GALNTL6: variants seen among roughly 807,000 people sequenced by gnomAD.
GALNTL6 encodes polypeptide N-acetylgalactosaminyltransferase like 6, also known as polypeptide N-acetylgalactosaminyltransferase-like 6.
Under a neutral mutation model 73.7 loss-of-function variants are expected in GALNTL6, and 46 were observed. That is an observed-to-expected ratio of 0.62 (90% CI 0.49 to 0.80). The LOEUF (loss-of-function observed/expected upper bound fraction) is 0.80, where lower values mean the gene tolerates loss of function less well. GALNTL6 is among the 30% of genes least tolerant of loss of function. The pLI, the probability that GALNTL6 is intolerant of heterozygous loss-of-function variation, is 0.00. For missense variants in GALNTL6, 604 were observed against 755.0 expected, an observed-to-expected ratio of 0.80 and a Z score of 2.34; for synonymous variants, 259 against 263.7, an observed-to-expected ratio of 0.98 and a Z score of 0.17.
At position 172,069,713 on chromosome 4, in the gene GALNTL6, C is replaced by G. The variant is rs570091880; in HGVS notation, c.139-159943C>G. 1.5e-4 allele frequency among the ~76,000 whole-genome samples: 15 copies of G among 99,446 alleles called. 4 individuals are homozygous for G. The highest frequency in any genetic ancestry group is 3.0e-4 in the Non-Finnish European group (14 of 46,364). The allele number at this position is 99,446 out of a possible 152,430, so 65.2% of individuals were successfully genotyped here. On this transcript the variant is annotated intron_variant, in intron 2 of 12. Coordinates refer to ENST00000506823, the MANE Select transcript of GALNTL6 (RefSeq NM_001034845.3). Reference sequence around the variant, plus strand: ...AGTAAGCCATAAATGGTGCTAGACACCTCATCCACAAAATTCCACTTAGAA... The same window carrying G: ...AGTAAGCCATAAATGGTGCTAGACAGCTCATCCACAAAATTCCACTTAGAA...
At chr4:172,134,382 T>TAA (rs5864118) in intron 2 of GALNTL6, among the ~76,000 whole-genome samples, 24 of 142,284 alleles carry the variant, frequency 1.7e-4, no homozygotes, top group Admixed American at 3.5e-4. Flanking sequence ...GAGACTCCTC[T>TAA]AAAAAAAAAA....
chr4:172,108,230 C>T (rs887914531), intron 2 of GALNTL6, among the ~76,000 whole-genome samples: 1 of 151,922 alleles, frequency 6.6e-6, no homozygotes, highest in Non-Finnish European at 1.5e-5. Flanking sequence ...CTAAGTGAGC[C>T]CCTCATCAGT....
At chr4:172,498,797 C>T (rs1487112283) in intron 5 of GALNTL6, among the ~76,000 whole-genome samples, 1 of 151,990 alleles carries the variant, frequency 6.6e-6, no homozygotes, top group Non-Finnish European at 1.5e-5. Context: ...GGCTATATGC[C>T]TCAAAATTTT....
intron 5 of GALNTL6, among the ~76,000 whole-genome samples, chr4:172,375,619 C>T (rs928747124): frequency 2.0e-5 from 3 of 152,182 alleles, no homozygotes; most frequent in South Asian, 2.1e-4. Flanking sequence ...GGTCCCTGGA[C>T]CCTGCTGATC....
At chr4:171,867,017 C>T (rs147274261) in intron 2 of GALNTL6, among the ~76,000 whole-genome samples, 2 of 152,156 alleles carry the variant, frequency 1.3e-5, no homozygotes, top group East Asian at 1.9e-4. Flanking sequence ...TTATCTACTA[C>T]ATTTAAGAAA....
intron 5 of GALNTL6, among the ~76,000 whole-genome samples, chr4:172,353,452 A>T (rs1742034776): frequency 6.6e-6 from 1 of 152,170 alleles, no homozygotes; most frequent in Non-Finnish European, 1.5e-5. Flanking sequence ...TTTGTAAAGG[A>T]CATCGACAAT....
intron 3 of GALNTL6, among the ~76,000 whole-genome samples, chr4:172,238,076 T>C (rs555464937): frequency 6.6e-6 from 1 of 152,316 alleles, no homozygotes; most frequent in South Asian, 2.1e-4. Context: ...AGGCTCTTTT[T>C]TGGTTTCATG....
chr4:172,745,199 G>T (rs1737036277), intron 5 of GALNTL6, among the ~76,000 whole-genome samples: 1 of 137,412 alleles, frequency 7.3e-6, no homozygotes, highest in African/African-American at 3.0e-5. Context: ...AGACTGTAAA[G>T]TTTCTCTGTT....
At chr4:172,269,950 C>T (rs764483410) in intron 3 of GALNTL6, among the ~76,000 whole-genome samples, 2 of 151,896 alleles carry the variant, frequency 1.3e-5, no homozygotes, top group African/African-American at 2.4e-5. Context: ...GAGACGGTTT[C>T]GCCATGTTGG....
chr4:172,726,925 A>G (rs545390816), intron 5 of GALNTL6, among the ~76,000 whole-genome samples: 1 of 152,180 alleles, frequency 6.6e-6, no homozygotes, highest in Non-Finnish European at 1.5e-5. Flanking sequence ...ATTAATGATT[A>G]TTGTTAAGGA....
chr4:172,932,926 T>C lies in GALNTL6; in HGVS notation c.1149+1658T>C, dbSNP rs184687364. Among the ~76,000 whole-genome samples the C allele has an allele frequency of 2.8e-3, 423 of 152,252 alleles. 9 individuals are homozygous for C. Among genetic ancestry groups the C allele is most frequent in the Non-Finnish European group, 2.8e-4 (19 of 68,008 alleles). The stretch of plus-strand genomic sequence containing the variant: ...TAATATTCCTGCTTTCCTAACTAAA[T>C]TAAAATTTTAATTAGATGCTAAAAC... On this transcript the variant is annotated intron_variant, in intron 9 of 12. Transcript: ENST00000506823.
chr4:172,487,295 C>CT lies in GALNTL6; in HGVS notation c.553+138608dup, dbSNP rs1733709625. 3.7e-5 allele frequency among the ~76,000 whole-genome samples: 3 copies of CT among 81,518 alleles called. No homozygotes were observed. In the Admixed American group the frequency reaches 4.2e-4, roughly 12 times the overall value. The allele number at this position is 81,518 out of a possible 152,430, so 53.5% of individuals were successfully genotyped here. ...TCCTCTTTCTTTCTTTCCTTCTTTC[C>CT]TTCTGTCTTTCTTTCTTTCTTTCTT... On this transcript the variant is annotated intron_variant, in intron 5 of 12. Transcript: ENST00000506823.
At chr4:172,874,555 T>C (rs1745096975) in intron 7 of GALNTL6, among the ~76,000 whole-genome samples, 1 of 152,186 alleles carries the variant, frequency 6.6e-6, no homozygotes, top group African/African-American at 2.4e-5. Flanking sequence ...GTAAGAGAAG[T>C]TGGGTACCTT....
At chr4:172,968,252 G>A (rs1487574572) in intron 10 of GALNTL6, among the ~76,000 whole-genome samples, 1 of 152,146 alleles carries the variant, frequency 6.6e-6, no homozygotes, top group African/African-American at 2.4e-5. Context: ...TCTCCAAGAA[G>A]AGTACTCAGA....
chr4:172,692,290 A>G (rs1733356831), intron 5 of GALNTL6, among the ~76,000 whole-genome samples: 6 of 152,128 alleles, frequency 3.9e-5, no homozygotes, highest in Admixed American at 3.9e-4. Flanking sequence ...TTTTGCAATT[A>G]TAACTATCTC....
At chr4:172,801,016 A>C (rs989577701) in intron 5 of GALNTL6, among the ~76,000 whole-genome samples, 6 of 152,160 alleles carry the variant, frequency 3.9e-5, no homozygotes, top group Non-Finnish European at 7.4e-5. Flanking sequence ...TTTTTGAAAA[A>C]TATAAAATAC....
intron 2 of GALNTL6, among the ~76,000 whole-genome samples, chr4:172,196,971 A>G (rs1579241899): frequency 6.6e-6 from 1 of 152,340 alleles, no homozygotes; most frequent in South Asian, 2.1e-4. Flanking sequence ...AGTAAAAGGC[A>G]TTCATATAGG....
At chr4:172,629,823 G>A (rs1739320455) in intron 5 of GALNTL6, among the ~76,000 whole-genome samples, 1 of 152,130 alleles carries the variant, frequency 6.6e-6, no homozygotes, top group Non-Finnish European at 1.5e-5. Context: ...TAGCTCAGTT[G>A]TATTTATTAT....
At chr4:172,026,788 C>T (rs1741600034) in intron 2 of GALNTL6, among the ~76,000 whole-genome samples, 1 of 152,122 alleles carries the variant, frequency 6.6e-6, no homozygotes, top group Admixed American at 6.6e-5. Context: ...ACATTTTATG[C>T]AGAAGGCACA....
Sources: gnomAD v4.1 joint callset for allele counts (sites outside exome capture counted in the v4.1 genomes callset) on GRCh38, gnomAD v4.1.1 for gene constraint, MANE v1.5 for transcripts, NCBI Gene and HGNC (gene_info 2026-07-23, HGNC 2026-07-21) for gene names.